The following XIRP2 variants were observed in gnomAD, a reference collection of about 807,000 sequenced individuals.
XIRP2 encodes xin actin binding repeat containing 2, also known as xin actin-binding repeat-containing protein 2.
In XIRP2, 236 loss-of-function variants were observed where a neutral mutation model predicts 277.0. The ratio of observed to expected loss-of-function variants is 0.85; its 90% CI spans 0.77 to 0.95. The LOEUF (loss-of-function observed/expected upper bound fraction) is 0.95. Among genes scored for constraint, XIRP2 ranks in the 40% least tolerant of loss-of-function variants. The pLI is 0.00. For missense variants in XIRP2, 4,640 were observed against 4,157.5 expected (o/e 1.12, Z -3.19); for synonymous variants, 1,490 against 1,416.5 (o/e 1.05, Z -1.17).
At chr2:167,188,983 G>A (rs1220802162) in intron 3 of XIRP2, among the ~76,000 whole-genome samples, 1 of 152,200 alleles carries the variant, frequency 6.6e-6, no homozygotes, top group Non-Finnish European at 1.5e-5. Context: ...CAGAGGAAGA[G>A]GAGAGTGTTG....
intron 3 of XIRP2, among the ~76,000 whole-genome samples, chr2:167,141,876 A>T: frequency 6.6e-6 from 1 of 152,110 alleles, no homozygotes; most frequent in East Asian, 1.9e-4. Context: ...TAAAATATAG[A>T]AAAGAAAATA....
At chr2:167,079,453 C>G (rs1689671038) in intron 2 of XIRP2, among the ~76,000 whole-genome samples, 1 of 152,088 alleles carries the variant, frequency 6.6e-6, no homozygotes, top group Admixed American at 6.5e-5. Context: ...CTGTGAATTC[C>G]TTTGATTGGG....
At chr2:166,911,771 T>C (rs180936105) in intron 2 of XIRP2, among the ~76,000 whole-genome samples, 3,467 of 152,346 alleles carry the variant, frequency 0.023, 54 homozygotes, top group Non-Finnish European at 0.036. Context: ...CCATGTTTAG[T>C]GCTTCCTTCA....
At chr2:167,111,712 C>T (rs1002152773) in intron 2 of XIRP2, among the ~76,000 whole-genome samples, 6 of 152,046 alleles carry the variant, frequency 3.9e-5, no homozygotes, top group Admixed American at 1.3e-4. Context: ...GGAATCTCTC[C>T]TCAATTTTTT....
intron 1 of XIRP2, among the ~76,000 whole-genome samples, chr2:166,893,930 A>G (rs1684175451): frequency 6.6e-6 from 1 of 152,158 alleles, no homozygotes; most frequent in Non-Finnish European, 1.5e-5. Flanking sequence ...CAACCATATG[A>G]GACTATTTAC....
chr2:167,141,455 T>C (rs1319778186), intron 3 of XIRP2, among the ~76,000 whole-genome samples: 1 of 151,994 alleles, frequency 6.6e-6, no homozygotes, highest in Non-Finnish European at 1.5e-5. Flanking sequence ...AATGAAGAAG[T>C]AAATGGTATA....
chr2:166,935,923 T>C (rs1685483624), intron 2 of XIRP2, among the ~76,000 whole-genome samples: 1 of 152,214 alleles, frequency 6.6e-6, no homozygotes, highest in Non-Finnish European at 1.5e-5. Context: ...TTTGGGTATA[T>C]ACCCAGTAAT....
Position 167,248,003 on chromosome 2 carries a change from T to C in XIRP2, c.6611T>C (p.Ile2204Thr), listed in dbSNP as rs1695334655. ...YSNKDIKKKNINLQPMWQLLP... is the reference protein window; with the variant it reads ...YSNKDIKKKNTNLQPMWQLLP... ...AATAAGGATATAAAGAAAAAGAATATAAACCTTCAACCAATGTGGCAGCTT... is the reference window on the plus strand; with the variant it reads ...AATAAGGATATAAAGAAAAAGAATACAAACCTTCAACCAATGTGGCAGCTT... Residue 2204 changes from isoleucine (I) to threonine (T), a missense_variant, in exon 9 of 11, where the codon ATA becomes ACA. Physicochemically the swap from Ile to Thr is moderately conservative, Grantham distance 89. Transcript: ENST00000409195. 1.2e-6 allele frequency: 2 copies of C among 1,612,822 alleles called. No individual in the cohort carries two copies. The highest frequency in any genetic ancestry group is 2.2e-5 in the East Asian group (1 of 44,824).
chr2:167,143,275 TAGG>T (rs1283595178), intron 3 of XIRP2, among the ~76,000 whole-genome samples: 10 of 152,196 alleles, frequency 6.6e-5, no homozygotes, highest in African/African-American at 2.4e-4. Context: ...ATGTCAACAC[TAGG>T]AGATGAACAG....
chr2:166,889,273 T>C (rs1684036123), intron 1 of XIRP2, among the ~76,000 whole-genome samples: 1 of 152,216 alleles, frequency 6.6e-6, no homozygotes, highest in East Asian at 1.9e-4. Context: ...AATGCTTTCC[T>C]GCACCTTTCT....
At chr2:167,088,700 TC>T (rs1690042758) in intron 2 of XIRP2, among the ~76,000 whole-genome samples, 1 of 152,032 alleles carries the variant, frequency 6.6e-6, no homozygotes, top group Non-Finnish European at 1.5e-5. Context: ...CTTCCTCAAT[TC>T]CCCCAAATCC....
At chr2:167,190,917 A>AT (rs1693310599) in intron 3 of XIRP2, among the ~76,000 whole-genome samples, 1 of 152,168 alleles carries the variant, frequency 6.6e-6, no homozygotes, top group East Asian at 1.9e-4. Flanking sequence ...GATAAAAGAA[A>AT]TTTATTGGCC....
chr2:167,257,991 A>G lies in XIRP2; in HGVS notation c.*174A>G, dbSNP rs1695710313. On this transcript the variant is annotated 3_prime_UTR_variant, in exon 11 of 11. Transcript: ENST00000409195. ...AAAGATAGATGGAACTGCAAAAACC[A>G]AAGCAGATCAGTGGACTTTATTCCT... is the stretch of plus-strand genomic sequence containing the variant. The G allele has an allele frequency of 6.2e-7, 1 of 1,613,224 alleles. No individual in the cohort carries two copies. The highest frequency in any genetic ancestry group is 1.3e-5 in the African/African-American group (1 of 74,976).
chr2:167,088,755 T>C (rs1479036480), intron 2 of XIRP2, among the ~76,000 whole-genome samples: 1 of 152,192 alleles, frequency 6.6e-6, no homozygotes, highest in Non-Finnish European at 1.5e-5. Flanking sequence ...CACATTTTCC[T>C]TTCTGCAAAC....
At chr2:167,037,677 CAG>C (rs1688548401) in intron 2 of XIRP2, among the ~76,000 whole-genome samples, 1 of 151,532 alleles carries the variant, frequency 6.6e-6, no homozygotes, top group Non-Finnish European at 1.5e-5. Flanking sequence ...ATAAATCAAA[CAG>C]ATAAAATCAA....
intron 2 of XIRP2, among the ~76,000 whole-genome samples, chr2:167,049,596 C>A (rs370606129): frequency 2.0e-4 from 30 of 151,816 alleles, no homozygotes; most frequent in African/African-American, 6.8e-4. Flanking sequence ...ATGGGTCCTG[C>A]GCTTATAACC....
intron 2 of XIRP2, among the ~76,000 whole-genome samples, chr2:167,085,550 G>T (rs554611287): frequency 2.6e-5 from 4 of 152,218 alleles, no homozygotes; most frequent in African/African-American, 7.2e-5. Context: ...GGGTGTTAAA[G>T]TCTCCCATTA....
chr2:167,027,727 C>G (rs1049084119), intron 2 of XIRP2, among the ~76,000 whole-genome samples: 1 of 152,074 alleles, frequency 6.6e-6, no homozygotes, highest in African/African-American at 2.4e-5. Flanking sequence ...TTGTAACAGA[C>G]AGGACCCTTA....
At chr2:167,085,805 C>G (rs2105268104) in intron 2 of XIRP2, among the ~76,000 whole-genome samples, 1 of 152,102 alleles carries the variant, frequency 6.6e-6, no homozygotes, top group East Asian at 1.9e-4. Flanking sequence ...GTAGATCTTC[C>G]TCCATCCTTT....
Sources: gnomAD v4.1 joint callset for allele counts (sites outside exome capture counted in the v4.1 genomes callset) on GRCh38, gnomAD v4.1.1 for gene constraint, MANE v1.5 for transcripts, NCBI Gene and HGNC (gene_info 2026-07-23, HGNC 2026-07-21) for gene names.